PEBP4: variants seen among roughly 807,000 people sequenced by gnomAD.
The protein encoded by PEBP4 is phosphatidylethanolamine binding protein 4.
In PEBP4, 22 loss-of-function variants were observed where a neutral mutation model predicts 23.9. The observed-to-expected ratio is 0.92, with a 90% CI of 0.66 to 1.31. The LOEUF is 1.31. Ranked by LOEUF, PEBP4 falls within the 40% of genes most tolerant of loss-of-function variation. The pLI is 0.00. For synonymous variants in PEBP4, 112 were observed against 99.3 expected (o/e 1.13, Z -0.76); for missense variants, 324 against 281.7 (o/e 1.15, Z -1.07).
intron 3 of PEBP4, among the ~76,000 whole-genome samples, chr8:22,848,421 G>A (rs1042515830): frequency 4.6e-5 from 7 of 151,856 alleles, no homozygotes; most frequent in African/African-American, 1.7e-4. Context: ...TGAGTGTGTG[G>A]GACCAGCCAA....
chr8:22,880,072 C>T (rs1315338416), intron 3 of PEBP4, among the ~76,000 whole-genome samples: 1 of 152,174 alleles, frequency 6.6e-6, no homozygotes, highest in Non-Finnish European at 1.5e-5. Flanking sequence ...AATAGCTCTA[C>T]CCAAAGTGGG....
At chr8:22,897,716 C>T (rs762071831) in intron 3 of PEBP4, 2 of 152,168 alleles carry the variant, frequency 1.3e-5, no homozygotes, top group Non-Finnish European at 1.5e-5. Context: ...TTCACACTCA[C>T]CATGTCCAGA....
chr8:22,889,566 G>T (rs1808450503), intron 3 of PEBP4, among the ~76,000 whole-genome samples: 1 of 152,246 alleles, frequency 6.6e-6, no homozygotes, highest in Admixed American at 6.5e-5. Context: ...CTTAAAGGAG[G>T]TAAAAGGTAA....
chr8:22,862,655 A>T (rs922489211), intron 3 of PEBP4, among the ~76,000 whole-genome samples: 4 of 152,184 alleles, frequency 2.6e-5, no homozygotes, highest in African/African-American at 9.7e-5. Context: ...GCTTCAAAGG[A>T]TTCTCATATA....
chr8:22,765,237 A>G (rs956518801), intron 4 of PEBP4, among the ~76,000 whole-genome samples: 5 of 151,642 alleles, frequency 3.3e-5, no homozygotes, highest in Admixed American at 2.6e-4. Flanking sequence ...TCCCCTTCTC[A>G]TGTTCAAGCG....
At chr8:22,940,832 T>C (rs1308395702) in intron 1 of PEBP4, among the ~76,000 whole-genome samples, 1 of 152,178 alleles carries the variant, frequency 6.6e-6, no homozygotes, top group Admixed American at 6.5e-5. Context: ...AGGTGTTTTT[T>C]CTCTCCTCTG....
intron 3 of PEBP4, among the ~76,000 whole-genome samples, chr8:22,825,224 C>T (rs1011674750): frequency 2.6e-5 from 4 of 152,212 alleles, no homozygotes; most frequent in African/African-American, 9.6e-5. Flanking sequence ...AAGAGCTTAG[C>T]CCTTAGCCAG....
intron 4 of PEBP4, among the ~76,000 whole-genome samples, chr8:22,812,892 C>T (rs937476581): frequency 1.3e-5 from 2 of 152,178 alleles, no homozygotes; most frequent in African/African-American, 2.4e-5. Flanking sequence ...TATGTAATTT[C>T]CTTTTTCCTT....
intron 4 of PEBP4, among the ~76,000 whole-genome samples, chr8:22,784,536 C>T (rs1439075865): frequency 2.6e-5 from 4 of 152,254 alleles, no homozygotes; most frequent in African/African-American, 9.6e-5. Context: ...TAGCCAACCT[C>T]CCGACCTCCC....
chr8:22,857,342 C>A (rs775864269), intron 3 of PEBP4, among the ~76,000 whole-genome samples: 2 of 152,128 alleles, frequency 1.3e-5, no homozygotes, highest in Non-Finnish European at 2.9e-5. Flanking sequence ...CCATACGGGG[C>A]TCCATCACCT....
At chr8:22,768,576 A>C (rs895416377) in intron 4 of PEBP4, among the ~76,000 whole-genome samples, 5 of 152,106 alleles carry the variant, frequency 3.3e-5, no homozygotes, top group African/African-American at 1.2e-4. Flanking sequence ...GTTAGTTTTC[A>C]CCCAGCCCTT....
upstream of PEBP4, among the ~76,000 whole-genome samples, chr8:22,929,566 C>A (rs1809422567): frequency 1.3e-5 from 2 of 152,196 alleles, no homozygotes; most frequent in Admixed American, 1.3e-4. Context: ...TGGAAATAGG[C>A]ACTATTATCA....
Position 22,927,867 on chromosome 8 carries a change from C to T in PEBP4, c.-51G>A, listed in dbSNP as rs921961659. ...GAAGGACAGGCAGCTTCCAGGGCTCCGCAGCTAATCCAGTCCACCACCCGG... is the reference window on the plus strand; with the variant it reads ...GAAGGACAGGCAGCTTCCAGGGCTCTGCAGCTAATCCAGTCCACCACCCGG... On this transcript the variant is annotated 5_prime_UTR_variant, in exon 1 of 7. Coordinates refer to ENST00000256404, the MANE Select transcript of PEBP4 (RefSeq NM_144962.3). 18 of 894,010 alleles carry T rather than the reference C, an allele frequency of 2.0e-5. No homozygotes were observed. Among genetic ancestry groups the T allele is most frequent in the Non-Finnish European group, 2.8e-5 (17 of 602,182 alleles). The allele number at this position is 894,010 out of a possible 1,614,324, so 55.4% of individuals were successfully genotyped here.
At chr8:22,784,334 T>C (rs373529631) in intron 4 of PEBP4, among the ~76,000 whole-genome samples, 37 of 152,090 alleles carry the variant, frequency 2.4e-4, no homozygotes, top group African/African-American at 8.4e-4. Context: ...GGGGATGGGG[T>C]CAGGAATCAA....
chr8:22,909,443 C>T (rs1157406044), intron 3 of PEBP4, among the ~76,000 whole-genome samples: 1 of 152,190 alleles, frequency 6.6e-6, no homozygotes, highest in Admixed American at 6.5e-5. Flanking sequence ...TTGTGCACAC[C>T]ACTGTACCCC....
intron 1 of PEBP4, among the ~76,000 whole-genome samples, chr8:22,939,421 A>G (rs1809580916): frequency 6.6e-6 from 1 of 152,176 alleles, no homozygotes; most frequent in African/African-American, 2.4e-5. Flanking sequence ...GATGGACTAA[A>G]TGGAAGTAAA....
intron 4 of PEBP4, among the ~76,000 whole-genome samples, chr8:22,765,444 C>G (rs1166919916): frequency 6.6e-6 from 1 of 152,180 alleles, no homozygotes. Flanking sequence ...GCACCCAGCC[C>G]AGGTCCTCAG....
rs374488502 is a variant in PEBP4, at chr8:22,747,042, C to T, written c.358-19822G>A. Among the ~76,000 whole-genome samples the T allele has an allele frequency of 1.2e-4, 18 of 152,204 alleles. No homozygotes were observed. In the East Asian group the frequency reaches 2.7e-3, roughly 23 times the overall value. On this transcript the variant is annotated intron_variant, in intron 4 of 6. Transcript: ENST00000256404. The stretch of plus-strand genomic sequence containing the variant: ...AGAGACGGGGGTCTCAGCACATTGC[C>T]CAGGCTGGTCTTTAACTCCTAGGTG...
At chr8:22,762,476 T>C (rs1391848983) in intron 4 of PEBP4, among the ~76,000 whole-genome samples, 1 of 152,214 alleles carries the variant, frequency 6.6e-6, no homozygotes, top group Admixed American at 6.5e-5. Flanking sequence ...ACATTAGCTT[T>C]TGCCCATGGT....
Sources: allele counts gnomAD v4.1 joint callset (sites outside exome capture counted in the v4.1 genomes callset), GRCh38; gene constraint gnomAD v4.1.1; transcripts MANE v1.5; gene names NCBI Gene and HGNC (gene_info 2026-07-23, HGNC 2026-07-21).